Variants in CCNK observed in about 807,000 individuals in gnomAD.
CCNK encodes cyclin-K.
CCNK carries 9 observed loss-of-function variants against 65.0 expected under a neutral mutation model. That is an observed-to-expected ratio of 0.14 (90% CI 0.08 to 0.24). The LOEUF (loss-of-function observed/expected upper bound fraction) is 0.24. Among genes scored for constraint, CCNK ranks in the 10% least tolerant of loss-of-function variants. CCNK has a pLI of 1.00. For synonymous variants in CCNK, 279 were observed against 270.8 expected, an observed-to-expected ratio of 1.03 and a Z score of -0.30; for missense variants, 474 against 720.0, an observed-to-expected ratio of 0.66 and a Z score of 3.91.
In CCNK at chr14:99,510,402, G is replaced by A. The variant is rs1217663367; in HGVS notation, c.1363G>A (p.Gly455Arg). Reference sequence around the variant, plus strand: ...CCTGCAGTCCATGATGAAGACCGAGGGACCCTCCTACGGTGCCCTGCCCCC... The same window carrying A: ...CCTGCAGTCCATGATGAAGACCGAGAGACCCTCCTACGGTGCCCTGCCCCC... The part of the protein sequence containing the change: ...QSLQSMMKTE[G>R]PSYGALPPAY... Residue 455 changes from glycine (G) to arginine (R), a missense_variant, in exon 11 of 11, where the codon GGA becomes AGA. By Grantham distance (125) the Gly-to-Arg change is moderately radical. Around this residue, in one of 6 missense-constraint regions of CCNK, gnomAD observed 229 missense variants for 275.5 expected, o/e 0.83. Transcript: ENST00000389879. 17 of 1,560,120 alleles carry A rather than the reference G, an allele frequency of 1.1e-5. No homozygotes were observed. The East Asian group carries it at 2.4e-4, about 22-fold the overall frequency.
At chr14:99,487,322 T>C (rs1429858635) in intron 1 of CCNK, among the ~76,000 whole-genome samples, 2 of 152,200 alleles carry the variant, frequency 1.3e-5, no homozygotes, top group African/African-American at 4.8e-5. Flanking sequence ...ACTATTGACA[T>C]GTTGGACCAG....
At chr14:99,503,678 T>G in intron 9 of CCNK, 34 bp downstream of exon 9, 2 of 1,515,806 alleles carry the variant, frequency 1.3e-6, no homozygotes, top group South Asian at 1.2e-5. Context: ...TTTAGTTTTA[T>G]GTGTTTATAT....
At chr14:99,508,391 T>C (rs1897029197) in intron 10 of CCNK, 1 of 152,412 alleles carries the variant, frequency 6.6e-6, no homozygotes, top group Non-Finnish European at 1.5e-5. Context: ...GGGGTGCTGC[T>C]ACCTCCAGGG....
chr14:99,504,765 T>C (rs1315246883), intron 9 of CCNK: 2 of 152,236 alleles, frequency 1.3e-5, no homozygotes, highest in Non-Finnish European at 2.9e-5. Flanking sequence ...GTGAATTTTT[T>C]AATTAGCTTC....
chr14:99,484,276 G>T (rs1490526748), intron 1 of CCNK, among the ~76,000 whole-genome samples: 1 of 152,260 alleles, frequency 6.6e-6, no homozygotes, highest in African/African-American at 2.4e-5. Flanking sequence ...GTGATAAATT[G>T]TGAGGATAAG....
At chr14:99,493,280 A>G (rs1247448413) in intron 2 of CCNK, among the ~76,000 whole-genome samples, 1 of 152,218 alleles carries the variant, frequency 6.6e-6, no homozygotes, top group East Asian at 1.9e-4. Flanking sequence ...TCTCAAAAAA[A>G]AAAAGATCAT....
chr14:99,485,243 T>TC (rs1322290613), intron 1 of CCNK, among the ~76,000 whole-genome samples: 20 of 152,326 alleles, frequency 1.3e-4, no homozygotes, highest in Non-Finnish European at 2.4e-4. Flanking sequence ...TTGAATATAC[T>TC]TACGATTTAT....
chr14:99,493,037 T>G (rs1457357904), intron 2 of CCNK, 163 bp downstream of exon 2: 2 of 700,232 alleles, frequency 2.9e-6, no homozygotes, highest in African/African-American at 1.8e-5. Flanking sequence ...CTCTTTCTGA[T>G]TTGTCATTTT....
At chr14:99,503,250 GGTGTCGTTGCCGTGTCCTAGCA>G (rs1896885277) in intron 8 of CCNK, 1 of 645,664 alleles carries the variant, frequency 1.5e-6, no homozygotes, top group African/African-American at 1.8e-5. Context: ...GAAGCCTGTC[GGTGTCGTTGCCGTGTCCTAGCA>G]GTGTCGTTGT....
intron 2 of CCNK, among the ~76,000 whole-genome samples, chr14:99,493,281 A>G (rs958260348): frequency 1.3e-5 from 2 of 152,192 alleles, no homozygotes; most frequent in African/African-American, 4.8e-5. Flanking sequence ...CTCAAAAAAA[A>G]AAAGATCATA....
chr14:99,497,400 A>G (rs1896725663), intron 4 of CCNK, among the ~76,000 whole-genome samples: 1 of 152,210 alleles, frequency 6.6e-6, no homozygotes, highest in Non-Finnish European at 1.5e-5. Flanking sequence ...AGATAGTAGT[A>G]TCCATTAGAT....
chr14:99,510,698 A>G lies in CCNK; in HGVS notation c.1659A>G (p.Gly553=), dbSNP rs1220284209. Reference sequence around the variant, plus strand: ...ACCCACCTCCTGCCGTCCCCCCTGGAGGACAGCCTCCTGTGCCCCCGCCCA... The same window carrying G: ...ACCCACCTCCTGCCGTCCCCCCTGGGGGACAGCCTCCTGTGCCCCCGCCCA... ...ASYPPPAVPP[G]GQPPVPPPIP... The change falls in exon 11 of 11, where the codon GGA becomes GGG. Residue 553 remains glycine (G), a synonymous_variant. Transcript: ENST00000389879. 3.6e-6 allele frequency: 5 copies of G among 1,400,750 alleles called. No homozygotes were observed. 86.8% of individuals were successfully genotyped at this position (1,400,750 alleles called of 1,614,324 possible).
rs761142587 is a variant in CCNK at position 99,502,906 on chromosome 14, C to CCAG, written c.944_946dup (p.Gln315dup). On this transcript the variant is annotated inframe_insertion, in exon 8 of 11. Transcript: ENST00000389879. ...AGCAGAAGGACCCCCAGCAACCAGC[C>CCAG]CAGCAGCAGCAGCCAGCCCAACAGC... is the stretch of plus-strand genomic sequence containing the variant. The CCAG allele has an allele frequency of 1.2e-6, 2 of 1,613,772 alleles. No individual in the cohort carries two copies. The highest frequency in any genetic ancestry group is 1.7e-5 in the Admixed American group (1 of 60,016).
At chr14:99,503,215 C>G (rs1896884256) in intron 8 of CCNK, 5 of 681,182 alleles carry the variant, frequency 7.3e-6, no homozygotes, top group Non-Finnish European at 1.3e-5. Flanking sequence ...AGCCCTGCTG[C>G]CTGTTTCATC....
intron 1 of CCNK, among the ~76,000 whole-genome samples, chr14:99,488,801 A>G (rs1896543671): frequency 6.6e-6 from 1 of 152,102 alleles, no homozygotes; most frequent in Non-Finnish European, 1.5e-5. Flanking sequence ...AATATTATGG[A>G]CACTTGGATT....
intron 1 of CCNK, among the ~76,000 whole-genome samples, chr14:99,486,135 T>G (rs1343487979): frequency 2.6e-5 from 4 of 152,258 alleles, no homozygotes; most frequent in Non-Finnish European, 5.9e-5. Context: ...AAACTTTCCT[T>G]AGTTCCTTGT....
chr14:99,507,307 T>G (rs531781022), intron 10 of CCNK, 160 bp downstream of exon 10: 8 of 653,314 alleles, frequency 1.2e-5, no homozygotes, highest in African/African-American at 9.0e-5. Flanking sequence ...CTGGGCACAA[T>G]GGCTTGTGTT....
At chr14:99,486,461 A>G (rs1447412935) in intron 1 of CCNK, among the ~76,000 whole-genome samples, 2 of 152,190 alleles carry the variant, frequency 1.3e-5, no homozygotes, top group African/African-American at 4.8e-5. Flanking sequence ...ACATGACTTT[A>G]TAGTTATCAC....
chr14:99,490,401 G>A (rs909003242), intron 1 of CCNK, among the ~76,000 whole-genome samples: 1 of 152,138 alleles, frequency 6.6e-6, no homozygotes, highest in Non-Finnish European at 1.5e-5. Context: ...AATGAACCAT[G>A]GTTATGGAAG....
Sources: allele counts gnomAD v4.1 joint callset (sites outside exome capture counted in the v4.1 genomes callset), GRCh38; gene constraint gnomAD v4.1.1; regional missense constraint gnomAD v4.1.1; transcripts MANE v1.5; gene names NCBI Gene and HGNC (gene_info 2026-07-23, HGNC 2026-07-21).